NCAM1: variants seen among roughly 807,000 people sequenced by gnomAD.
NCAM1 encodes neural cell adhesion molecule 1.
A neutral mutation model predicts 109.8 loss-of-function variants in NCAM1; 14 were observed. The ratio of observed to expected loss-of-function variants is 0.13; its 90% CI spans 0.08 to 0.20. NCAM1 has a LOEUF of 0.20. Among genes scored for constraint, NCAM1 ranks in the 10% least tolerant of loss-of-function variants. The probability of loss-of-function intolerance (pLI) is 1.00; values close to 1 mark genes in which losing one functional copy is unlikely to be tolerated. For synonymous variants in NCAM1, 418 were observed against 442.9 expected, an observed-to-expected ratio of 0.94 and a Z score of 0.70; for missense variants, 774 against 1,109.9, an observed-to-expected ratio of 0.70 and a Z score of 4.30.
chr11:113,099,252 A>G (rs1163355761), intron 1 of NCAM1, among the ~76,000 whole-genome samples: 2 of 152,218 alleles, frequency 1.3e-5, no homozygotes, highest in African/African-American at 4.8e-5. Flanking sequence ...TGCATTATCC[A>G]TCAAGATGGG....
intron 1 of NCAM1, among the ~76,000 whole-genome samples, chr11:113,080,198 C>A (rs1327893651): frequency 1.3e-5 from 2 of 152,124 alleles, no homozygotes; most frequent in African/African-American, 4.8e-5. Context: ...GAAGATAATA[C>A]ACCCTATTGA....
intron 1 of NCAM1, among the ~76,000 whole-genome samples, chr11:113,148,283 C>A (rs901551512): frequency 2.6e-5 from 4 of 151,872 alleles, no homozygotes; most frequent in Non-Finnish European, 5.9e-5. Context: ...GATAACAGGC[C>A]GCTGCCCTAC....
chr11:113,069,988 C>T (rs1313050762), intron 1 of NCAM1, among the ~76,000 whole-genome samples: 4 of 151,986 alleles, frequency 2.6e-5, no homozygotes, highest in East Asian at 1.9e-4. Flanking sequence ...AATGCAAATA[C>T]GGCCCTGGCA....
chr11:113,069,595 G>A (rs955112035), intron 1 of NCAM1, among the ~76,000 whole-genome samples: 4 of 152,170 alleles, frequency 2.6e-5, no homozygotes, highest in African/African-American at 9.7e-5. Context: ...GGTGCAGGAC[G>A]AGGTGCATTT....
chr11:113,169,653 G>C (rs548321292), intron 1 of NCAM1, among the ~76,000 whole-genome samples: 32 of 138,376 alleles, frequency 2.3e-4, no homozygotes, highest in Non-Finnish European at 4.6e-4. Context: ...TTGGAGATAG[G>C]GTCTTGCTCT....
At position 113,204,331 on chromosome 11, in the gene NCAM1, A is replaced by C; in HGVS notation, c.173A>C (p.Asn58Thr). ...KDKDISWFSP[N>T]GEKLTPNQQR... ...AAAGACATCTCCTGGTTCTCCCCCA[A>C]TGGAGAAAAGCTCACCCCAAACCAG... The change falls in exon 3 of 20, where the codon AAT becomes ACT. Residue 58 changes from asparagine to threonine, a missense_variant. Around this residue, in one of 4 missense-constraint regions of NCAM1, gnomAD observed 112 missense variants for 142.0 expected, o/e 0.79. Transcript: ENST00000316851. The C allele has an allele frequency of 6.2e-7, 1 of 1,613,846 alleles. No individual in the cohort carries two copies. Among genetic ancestry groups the C allele is most frequent in the South Asian group, 1.1e-5 (1 of 91,022 alleles).
At chr11:113,136,894 C>T (rs140141758) in intron 1 of NCAM1, among the ~76,000 whole-genome samples, 1 of 152,052 alleles carries the variant, frequency 6.6e-6, no homozygotes, top group Admixed American at 6.5e-5. Context: ...GCGCTGTGGG[C>T]GTGGTCAGAC....
intron 8 of NCAM1, among the ~76,000 whole-genome samples, chr11:113,219,096 A>G (rs1944613596): frequency 6.6e-6 from 1 of 152,232 alleles, no homozygotes; most frequent in Non-Finnish European, 1.5e-5. Flanking sequence ...GAAATGACTG[A>G]CAAAGGCCTA....
At chr11:113,074,915 A>C (rs781873592) in intron 1 of NCAM1, among the ~76,000 whole-genome samples, 2 of 152,196 alleles carry the variant, frequency 1.3e-5, no homozygotes, top group African/African-American at 2.4e-5. Context: ...TATAGGCGTC[A>C]GCAACTGTGC....
intron 1 of NCAM1, among the ~76,000 whole-genome samples, chr11:112,980,046 C>T (rs1391935654): frequency 6.6e-6 from 1 of 151,566 alleles, no homozygotes; most frequent in Non-Finnish European, 1.5e-5. Flanking sequence ...ATGAAAAATC[C>T]AGAGCTAACA....
chr11:113,210,380 C>A (rs1281622764), intron 7 of NCAM1, among the ~76,000 whole-genome samples: 1 of 152,106 alleles, frequency 6.6e-6, no homozygotes, highest in Non-Finnish European at 1.5e-5. Context: ...TGGATTCAAA[C>A]CGAGGCAGGT....
intron 8 of NCAM1, among the ~76,000 whole-genome samples, chr11:113,216,013 G>T (rs2137035473): frequency 6.6e-6 from 1 of 152,318 alleles, no homozygotes; most frequent in Middle Eastern, 3.4e-3. Context: ...TATCTCAGAT[G>T]AATGATGCTT....
In NCAM1 at chr11:113,260,067, C is replaced by T. The variant is rs554140914; in HGVS notation, c.1954-79C>T. 1.4e-3 allele frequency: 1,859 copies of T among 1,340,822 alleles called. 6 individuals are homozygous for T. The highest frequency in any genetic ancestry group is 1.9e-3 in the Middle Eastern group (10 of 5,266). 83.1% of individuals were successfully genotyped at this position (1,340,822 alleles called of 1,614,324 possible). On this transcript the variant is annotated intron_variant, in intron 16 of 19. Transcript: ENST00000316851. ...AGTTATTGAGTCCCGTAAGTTTTGC[C>T]TATTGTCTGGTCTTACCAGTACTTT...
chr11:112,961,766 G>A, intron 1 of NCAM1, 102 bp downstream of exon 1: 1 of 749,394 alleles, frequency 1.3e-6, no homozygotes, highest in Non-Finnish European at 2.2e-6. Context: ...TACGTGGACT[G>A]CTAAGGCTGG....
chr11:113,038,630 CAG>C lies in NCAM1; in HGVS notation c.52+76972_52+76973del, dbSNP rs1952970150. Among the ~76,000 whole-genome samples the C allele has an allele frequency of 3.3e-5, 5 of 152,294 alleles. No individual in the cohort carries two copies. The South Asian group carries it at 1.0e-3, about 32-fold the overall frequency. On this transcript the variant is annotated intron_variant, in intron 1 of 19. Coordinates refer to ENST00000316851, the MANE Select transcript of NCAM1 (RefSeq NM_181351.5). ...TGGTGATGGGTAGTTGAAGACATGA[CAG>C]AGAGACGGTGCTGTGGAGGGCTTGG...
At chr11:113,244,683 GTGT>G (rs1945447803) in intron 14 of NCAM1, among the ~76,000 whole-genome samples, 1 of 137,394 alleles carries the variant, frequency 7.3e-6, no homozygotes, top group Admixed American at 7.2e-5. Context: ...GTGTGTGTGT[GTGT>G]GGACCCATTT....
chr11:113,107,532 G>A (rs1940227866), intron 1 of NCAM1, among the ~76,000 whole-genome samples: 1 of 152,292 alleles, frequency 6.6e-6, no homozygotes, highest in African/African-American at 2.4e-5. Flanking sequence ...ACAGTTCTAA[G>A]TGTCTGGGGA....
chr11:113,078,681 C>A (rs983769142), intron 1 of NCAM1, among the ~76,000 whole-genome samples: 1 of 152,104 alleles, frequency 6.6e-6, no homozygotes, highest in Non-Finnish European at 1.5e-5. Context: ...AGTGAGTCAT[C>A]TAGGCCATCC....
intron 1 of NCAM1, among the ~76,000 whole-genome samples, chr11:113,126,513 G>A (rs559756619): frequency 1.0e-3 from 156 of 152,234 alleles, no homozygotes; most frequent in Middle Eastern, 0.01. Context: ...CACAGTTTCC[G>A]ATGCTTATCA....
Sources: allele counts gnomAD v4.1 joint callset (sites outside exome capture counted in the v4.1 genomes callset), GRCh38; gene constraint gnomAD v4.1.1; regional missense constraint gnomAD v4.1.1; transcripts MANE v1.5; gene names NCBI Gene and HGNC (gene_info 2026-07-23, HGNC 2026-07-21).